The following MASP1 variants were observed in gnomAD, a reference collection of about 807,000 sequenced individuals.
MASP1 encodes the protein mannan-binding lectin serine protease 1.
Under a neutral mutation model 77.1 loss-of-function variants are expected in MASP1, and 59 were observed. That is an observed-to-expected ratio of 0.77 (90% CI 0.62 to 0.95). MASP1 has a LOEUF of 0.95. Among genes scored for constraint, MASP1 ranks in the 40% least tolerant of loss-of-function variants. The pLI, the probability that MASP1 is intolerant of heterozygous loss-of-function variation, is 0.00. For missense variants in MASP1, 885 were observed against 912.9 expected (o/e 0.97, Z 0.39); for synonymous variants, 362 against 354.5 (o/e 1.02, Z -0.24).
In MASP1 at chr3:187,235,427, A is replaced by G. The variant is rs1348746487; in HGVS notation, c.*257T>C. ...ACAGAGGCCTTGGTTGAGCTCCTGC[A>G]TTGTATTACTCGGTAGAGTGAGGCC... is the stretch of plus-strand genomic sequence containing the variant. On this transcript the variant is annotated 3_prime_UTR_variant, in exon 11 of 11. Transcript: ENST00000296280. The G allele has an allele frequency of 1.3e-6, 2 of 1,494,852 alleles. No individual in the cohort carries two copies. Among genetic ancestry groups the G allele is most frequent in the South Asian group, 1.2e-5 (1 of 82,784 alleles). The allele number at this position is 1,494,852 out of a possible 1,614,324, so 92.6% of individuals were successfully genotyped here.
At chr3:187,269,080 A>T (rs1716305057) in intron 2 of MASP1, among the ~76,000 whole-genome samples, 1 of 151,922 alleles carries the variant, frequency 6.6e-6, no homozygotes, top group Non-Finnish European at 1.5e-5. Context: ...AAAAAAAAAA[A>T]AGATTTTAAA....
At chr3:187,228,804 C>T (rs928307258) in intron 11 of MASP1, among the ~76,000 whole-genome samples, 1 of 152,210 alleles carries the variant, frequency 6.6e-6, no homozygotes, top group African/African-American at 2.4e-5. Flanking sequence ...GACCATTCAT[C>T]TTTGGGTCTG....
chr3:187,228,726 C>T (rs1712587675), intron 11 of MASP1, among the ~76,000 whole-genome samples: 1 of 152,212 alleles, frequency 6.6e-6, no homozygotes, highest in Admixed American at 6.5e-5. Flanking sequence ...GAACTGCCCT[C>T]AGCCCTGTCT....
exon 13 of MASP1, chr3:187,225,409 G>A (rs139256281): frequency 9.9e-6 from 16 of 1,614,064 alleles, no homozygotes; most frequent in East Asian, 6.7e-5. Flanking sequence ...CCAGAGCCAC[G>A]TCATTCTCGA....
intron 5 of MASP1, among the ~76,000 whole-genome samples, chr3:187,255,721 C>G (rs917299388): frequency 6.6e-6 from 1 of 152,220 alleles, no homozygotes; most frequent in Non-Finnish European, 1.5e-5. Context: ...TTCTGCCTCT[C>G]TCACTGTTGA....
intron 1 of MASP1, among the ~76,000 whole-genome samples, chr3:187,288,404 G>A (rs1718028155): frequency 6.6e-6 from 1 of 152,128 alleles, no homozygotes; most frequent in South Asian, 2.1e-4. Flanking sequence ...AGGAGGGGAG[G>A]GCACTGGCCC....
chr3:187,232,968 C>T (rs698086), downstream of MASP1, among the ~76,000 whole-genome samples: 37,634 of 152,110 alleles, frequency 0.25, 5,827 homozygotes, highest in Non-Finnish European at 0.34. Flanking sequence ...CTATCACGTG[C>T]CACTCATGCT....
chr3:187,233,148 C>G (rs1321289497), downstream of MASP1, among the ~76,000 whole-genome samples: 3 of 152,228 alleles, frequency 2.0e-5, no homozygotes, highest in East Asian at 5.8e-4. Context: ...CCTAGCTCAG[C>G]CCCTTCCTGT....
intron 2 of MASP1, among the ~76,000 whole-genome samples, chr3:187,282,373 T>C (rs1232571613): frequency 1.3e-5 from 2 of 151,832 alleles, no homozygotes; most frequent in Non-Finnish European, 2.9e-5. Flanking sequence ...GGCATGTGCC[T>C]GTCGTCCCAG....
intron 1 of MASP1, among the ~76,000 whole-genome samples, chr3:187,289,183 A>G (rs1718101439): frequency 6.6e-6 from 1 of 151,854 alleles, no homozygotes; most frequent in African/African-American, 2.4e-5. Context: ...GGCCCCCCGT[A>G]GGAACAGGCT....
intron 2 of MASP1, among the ~76,000 whole-genome samples, chr3:187,270,975 C>A (rs1240865463): frequency 6.6e-6 from 1 of 152,206 alleles, no homozygotes; most frequent in African/African-American, 2.4e-5. Context: ...CATAAGCAAA[C>A]AAAATGGATA....
chr3:187,260,942 G>A, intron 3 of MASP1, 70 bp from the exon 4 acceptor site: 1 of 1,574,936 alleles, frequency 6.3e-7, no homozygotes, highest in South Asian at 1.1e-5. Context: ...CATTTATAGA[G>A]CACTTGATAT....
intron 2 of MASP1, among the ~76,000 whole-genome samples, chr3:187,268,789 G>A (rs139431020): frequency 7.9e-5 from 12 of 152,238 alleles, no homozygotes; most frequent in Non-Finnish European, 1.0e-4. Flanking sequence ...TTTTAAGGCC[G>A]GGTGTGGTGG....
intron 8 of MASP1, among the ~76,000 whole-genome samples, chr3:187,245,915 G>A (rs1012230562): frequency 6.6e-6 from 1 of 152,164 alleles, no homozygotes; most frequent in Admixed American, 6.5e-5. Flanking sequence ...TGCTGTACTG[G>A]GGGGCTTTCT....
intron 15 of MASP1, among the ~76,000 whole-genome samples, chr3:187,220,498 T>G (rs1560225304): frequency 7.1e-6 from 1 of 139,942 alleles, no homozygotes; most frequent in African/African-American, 2.7e-5. Flanking sequence ...TTTTCTTTCT[T>G]TTTTTTTTTT....
exon 16 of MASP1, chr3:187,217,589 G>A (rs1322413239): frequency 6.6e-6 from 1 of 152,210 alleles, no homozygotes; most frequent in East Asian, 1.9e-4. Flanking sequence ...GGGGTAGTGA[G>A]TTTCTCATCA....
chr3:187,260,562 G>C (rs755900062), intron 4 of MASP1, among the ~76,000 whole-genome samples, 179 bp downstream of exon 4: 2 of 152,354 alleles, frequency 1.3e-5, no homozygotes, highest in South Asian at 4.1e-4. Context: ...GGGAACCCAA[G>C]ATCAGGTTTC....
At chr3:187,225,230 C>T in intron 13 of MASP1, 1 of 1,404,974 alleles carries the variant, frequency 7.1e-7, no homozygotes, top group Non-Finnish European at 1.0e-6. Flanking sequence ...ACACTGTCAG[C>T]TGACTTAATT....
intron 2 of MASP1, among the ~76,000 whole-genome samples, chr3:187,266,623 A>G (rs1716044398): frequency 6.6e-6 from 1 of 152,102 alleles, no homozygotes; most frequent in Non-Finnish European, 1.5e-5. Flanking sequence ...GGAAATAGTG[A>G]AGGCCTGGGG....
Sources: allele counts gnomAD v4.1 joint callset (sites outside exome capture counted in the v4.1 genomes callset), GRCh38; gene constraint gnomAD v4.1.1; transcripts MANE v1.5; gene names NCBI Gene and HGNC (gene_info 2026-07-23, HGNC 2026-07-21).